The following LHFPL6 variants were observed in gnomAD, a reference collection of about 807,000 sequenced individuals.
The protein encoded by LHFPL6 is LHFPL tetraspan subfamily member 6.
A neutral mutation model predicts 20.6 loss-of-function variants in LHFPL6; 9 were observed. That is an observed-to-expected ratio of 0.44 (90% CI 0.26 to 0.76). LHFPL6 has a LOEUF of 0.76. LHFPL6 is among the 30% of genes least tolerant of loss of function. The pLI is 0.20. For synonymous variants in LHFPL6, 105 were observed against 98.7 expected (o/e 1.06, Z -0.38); for missense variants, 218 against 253.5 (o/e 0.86, Z 0.95).
intron 2 of LHFPL6, among the ~76,000 whole-genome samples, chr13:39,477,373 C>T (rs1873109616): frequency 6.6e-6 from 1 of 152,172 alleles, no homozygotes; most frequent in Non-Finnish European, 1.5e-5. Flanking sequence ...GGTACTTATT[C>T]ACAAGTATTT....
At chr13:39,560,435 T>TA in intron 2 of LHFPL6, among the ~76,000 whole-genome samples, 1 of 152,146 alleles carries the variant, frequency 6.6e-6, no homozygotes, top group East Asian at 1.9e-4. Context: ...ACTACAGTCT[T>TA]ACTCCTTTGC....
chr13:39,378,306 G>T, intron 3 of LHFPL6, 122 bp downstream of exon 3: 1 of 676,528 alleles, frequency 1.5e-6, no homozygotes, highest in South Asian at 1.7e-5. Flanking sequence ...TGTTACACGT[G>T]ACTACTGGCT....
intron 2 of LHFPL6, among the ~76,000 whole-genome samples, chr13:39,530,268 A>C (rs1411531919): frequency 6.7e-6 from 1 of 149,532 alleles, no homozygotes; most frequent in African/African-American, 2.5e-5. Context: ...AAAAGTATTA[A>C]AAAAAAAAAG....
At chr13:39,553,892 C>T (rs1181735129) in intron 2 of LHFPL6, among the ~76,000 whole-genome samples, 1 of 152,106 alleles carries the variant, frequency 6.6e-6, no homozygotes, top group African/African-American at 2.4e-5. Context: ...GGCAGACAAT[C>T]AGTGAAAAAA....
At chr13:39,471,897 C>G (rs1872957947) in intron 2 of LHFPL6, among the ~76,000 whole-genome samples, 1 of 152,176 alleles carries the variant, frequency 6.6e-6, no homozygotes, top group African/African-American at 2.4e-5. Context: ...GGAATTCACC[C>G]TAACATTTTT....
intron 2 of LHFPL6, among the ~76,000 whole-genome samples, chr13:39,499,993 C>T (rs1277913057): frequency 6.6e-6 from 1 of 152,016 alleles, no homozygotes; most frequent in Admixed American, 6.6e-5. Context: ...CTGCAAAATC[C>T]AAATGAGTTT....
intron 2 of LHFPL6, among the ~76,000 whole-genome samples, chr13:39,414,022 C>T (rs904892083): frequency 6.6e-6 from 1 of 152,168 alleles, no homozygotes; most frequent in African/African-American, 2.4e-5. Flanking sequence ...TGCTGCATAG[C>T]ATTTCATTAT....
intron 2 of LHFPL6, among the ~76,000 whole-genome samples, chr13:39,421,148 G>A (rs1871474541): frequency 6.6e-6 from 1 of 152,072 alleles, no homozygotes; most frequent in South Asian, 2.1e-4. Context: ...TTACTCTCCT[G>A]TTATATCCCC....
At chr13:39,567,679 C>A (rs932891252) in intron 2 of LHFPL6, among the ~76,000 whole-genome samples, 6 of 152,200 alleles carry the variant, frequency 3.9e-5, no homozygotes, top group African/African-American at 1.4e-4. Flanking sequence ...AGCTCTGTGG[C>A]CAAACAAAAA....
At chr13:39,517,308 T>C (rs567120220) in intron 2 of LHFPL6, among the ~76,000 whole-genome samples, 17 of 152,320 alleles carry the variant, frequency 1.1e-4, no homozygotes, top group African/African-American at 3.4e-4. Flanking sequence ...ACTTTCATAG[T>C]ATGGGAGAAA....
chr13:39,410,754 GTGGCTTCAGGATGC>G (rs1454964219), intron 2 of LHFPL6, among the ~76,000 whole-genome samples: 1 of 152,174 alleles, frequency 6.6e-6, no homozygotes, highest in East Asian at 1.9e-4. Context: ...TCAGCCCACA[GTGGCTTCAGGATGC>G]TTTTCAAAAG....
chr13:39,565,613 T>C (rs1566143098), intron 2 of LHFPL6, among the ~76,000 whole-genome samples: 2 of 152,256 alleles, frequency 1.3e-5, no homozygotes, highest in African/African-American at 4.8e-5. Context: ...TCTGCATTAA[T>C]TGGGTTATTT....
chr13:39,413,718 AT>A (rs1871289223), intron 2 of LHFPL6, among the ~76,000 whole-genome samples: 1 of 152,140 alleles, frequency 6.6e-6, no homozygotes, highest in South Asian at 2.1e-4. Flanking sequence ...AAGTGTACAT[AT>A]AAGGTCAGAG....
intron 2 of LHFPL6, among the ~76,000 whole-genome samples, chr13:39,432,539 T>C (rs533399451): frequency 6.6e-6 from 1 of 152,228 alleles, no homozygotes; most frequent in Admixed American, 6.5e-5. Flanking sequence ...TCCTATGTCA[T>C]CTTTGTTCAA....
intron 3 of LHFPL6, among the ~76,000 whole-genome samples, chr13:39,346,066 C>T (rs1180318983): frequency 6.6e-6 from 1 of 152,184 alleles, no homozygotes; most frequent in Admixed American, 6.5e-5. Context: ...AACTTCCCTG[C>T]TGAAAATTTC....
chr13:39,381,533 T>C (rs9603527), intron 2 of LHFPL6, among the ~76,000 whole-genome samples: 14,693 of 152,136 alleles, frequency 0.097, 746 homozygotes, highest in Middle Eastern at 0.13. Context: ...CTAATTGTGC[T>C]CTTGCTCTTG....
intron 2 of LHFPL6, among the ~76,000 whole-genome samples, chr13:39,598,973 C>T (rs975689430): frequency 5.3e-5 from 8 of 152,184 alleles, no homozygotes; most frequent in Non-Finnish European, 7.3e-5. Context: ...TATATAATTT[C>T]CCCAATTGTC....
intron 2 of LHFPL6, among the ~76,000 whole-genome samples, chr13:39,446,293 T>C (rs1443031634): frequency 2.0e-5 from 3 of 152,178 alleles, no homozygotes; most frequent in Non-Finnish European, 4.4e-5. Flanking sequence ...GAGACTCCCA[T>C]CCTCTCCTGT....
chr13:39,359,924 C>T (rs1311188149), intron 3 of LHFPL6, among the ~76,000 whole-genome samples: 2 of 152,160 alleles, frequency 1.3e-5, no homozygotes. Context: ...TGGGATAACA[C>T]CTTTCCCCAA....
Sources: gnomAD v4.1 joint callset for allele counts (sites outside exome capture counted in the v4.1 genomes callset) on GRCh38, gnomAD v4.1.1 for gene constraint, MANE v1.5 for transcripts, NCBI Gene and HGNC (gene_info 2026-07-23, HGNC 2026-07-21) for gene names.